SCEL: variants seen among roughly 807,000 people sequenced by gnomAD.
SCEL encodes sciellin.
Under a neutral mutation model 117.6 loss-of-function variants are expected in SCEL, and 113 were observed. That is an observed-to-expected ratio of 0.96 (90% confidence interval 0.83 to 1.12). SCEL has a LOEUF of 1.12. Ranked by LOEUF, SCEL falls within the 50% of genes most tolerant of loss-of-function variation. The pLI is 0.00. For missense variants in SCEL, 785 were observed against 810.8 expected (o/e 0.97, Z 0.39); for synonymous variants, 270 against 256.2 (o/e 1.05, Z -0.51).
intron 9 of SCEL, among the ~76,000 whole-genome samples, chr13:77,585,604 C>G (rs563361629): frequency 1.3e-5 from 2 of 152,178 alleles, no homozygotes; most frequent in African/African-American, 4.8e-5. Flanking sequence ...TATCCATCAC[C>G]CACGGCCTCA....
chr13:77,558,865 A>G (rs2084814497), intron 3 of SCEL, among the ~76,000 whole-genome samples: 1 of 148,594 alleles, frequency 6.7e-6, no homozygotes, highest in Admixed American at 6.7e-5. Flanking sequence ...AAGTAATGTT[A>G]GTAGAGCATA....
At chr13:77,605,205 A>C (rs150354989) in intron 19 of SCEL, among the ~76,000 whole-genome samples, 3 of 150,806 alleles carry the variant, frequency 2.0e-5, no homozygotes, top group African/African-American at 7.4e-5. Flanking sequence ...AGCTCAGTTC[A>C]TAATATTATT....
At chr13:77,551,285 T>A (rs1053490222) in intron 1 of SCEL, among the ~76,000 whole-genome samples, 1 of 152,122 alleles carries the variant, frequency 6.6e-6, no homozygotes, top group African/African-American at 2.4e-5. Context: ...AACCAGTGGA[T>A]CTTTATTCTA....
intron 11 of SCEL, 35 bp from the exon 12 acceptor site, chr13:77,593,479 A>C: frequency 2.6e-6 from 4 of 1,538,368 alleles, no homozygotes; most frequent in Non-Finnish European, 2.7e-6. Flanking sequence ...TAGCTCGACT[A>C]TCATTGACCT....
At chr13:77,639,763 T>C (rs1303293654) in intron 30 of SCEL, among the ~76,000 whole-genome samples, 1 of 152,162 alleles carries the variant, frequency 6.6e-6, no homozygotes. Context: ...TCATATATCA[T>C]ATAAAGGGCT....
Position 77,617,811 on chromosome 13 carries a change from A to G in SCEL, c.1520A>G (p.Asp507Gly). ...TATTTTTTGATTTAAAGAAACCAAGATCTTGCTAACCTCATCAAAGTAAAT... is the reference window on the plus strand; with the variant it reads ...TATTTTTTGATTTAAAGAAACCAAGGTCTTGCTAACCTCATCAAAGTAAAT... ...EIFTNNQRNQ[D>G]LANLIKVNPA... is the part of the protein sequence containing the mutation. The change falls in exon 26 of 33, where the codon GAT (aspartate) becomes GGT (glycine). Residue 507 changes from aspartate (D) to glycine (G), a missense_variant. By Grantham distance (94) the Asp-to-Gly change is moderately conservative. Transcript: ENST00000349847. 1 of 1,610,436 alleles carries G rather than the reference A, an allele frequency of 6.2e-7. No individual in the cohort carries two copies.
At chr13:77,572,634 GT>G (rs1256746526) in intron 9 of SCEL, among the ~76,000 whole-genome samples, 1 of 152,168 alleles carries the variant, frequency 6.6e-6, no homozygotes, top group African/African-American at 2.4e-5. Context: ...ACATTGCCCA[GT>G]TGGTACAAGC....
intron 28 of SCEL, among the ~76,000 whole-genome samples, chr13:77,630,711 CT>C (rs2089983566): frequency 6.6e-6 from 1 of 152,102 alleles, no homozygotes; most frequent in Admixed American, 6.5e-5. Context: ...GGAACATTTT[CT>C]CAAGTGTAAA....
chr13:77,548,538 A>G (rs1386371241), intron 1 of SCEL, among the ~76,000 whole-genome samples: 5 of 152,250 alleles, frequency 3.3e-5, no homozygotes, highest in African/African-American at 1.2e-4. Flanking sequence ...GGAAGTCTGT[A>G]TAAACATCAG....
intron 28 of SCEL, among the ~76,000 whole-genome samples, chr13:77,632,410 T>A (rs1455530179): frequency 6.6e-6 from 1 of 152,244 alleles, no homozygotes; most frequent in African/African-American, 2.4e-5. Context: ...CTTAGCTAGG[T>A]TTGTTATTCT....
chr13:77,617,200 G>T (rs6563012), intron 24 of SCEL, among the ~76,000 whole-genome samples: 142,034 of 152,158 alleles, frequency 0.93, 66,355 homozygotes, highest in South Asian at 0.96. Context: ...AGCTTTATAT[G>T]AAGAATAATC....
At chr13:77,631,776 T>A (rs372417521) in intron 28 of SCEL, among the ~76,000 whole-genome samples, 1 of 152,242 alleles carries the variant, frequency 6.6e-6, no homozygotes, top group East Asian at 1.9e-4. Context: ...CATGAAGGCA[T>A]TGTCATTAAT....
intron 9 of SCEL, among the ~76,000 whole-genome samples, chr13:77,575,965 C>G (rs1264481097): frequency 6.6e-6 from 1 of 152,200 alleles, no homozygotes; most frequent in Non-Finnish European, 1.5e-5. Flanking sequence ...TGTCTCTCCT[C>G]CTACCTCTGA....
intron 4 of SCEL, among the ~76,000 whole-genome samples, chr13:77,562,766 T>C (rs982784832): frequency 6.6e-5 from 10 of 152,216 alleles, no homozygotes; most frequent in African/African-American, 2.4e-4. Flanking sequence ...ACTACTAATA[T>C]AGCAAATATG....
rs1266105108 is a variant in SCEL at position 77,556,575 on chromosome 13, C to G, written c.44-21C>G. The G allele has an allele frequency of 5.0e-6, 8 of 1,595,812 alleles. No homozygotes were observed. The African/African-American group carries it at 6.7e-5, about 13-fold the overall frequency. On this transcript the variant is annotated intron_variant, in intron 2 of 32. Transcript: ENST00000349847. The stretch of plus-strand genomic sequence containing the variant: ...ACTCCACACTATTACATCTTCCAGT[C>G]TTTCATGTTTCTGTTGATAGAGATG...
intron 4 of SCEL, 99 bp from the exon 5 acceptor site, chr13:77,563,732 A>AAATAGG (rs1434348995): frequency 3.0e-5 from 25 of 830,960 alleles, no homozygotes; most frequent in Middle Eastern, 5.9e-4. Flanking sequence ...TTTCCTACTG[A>AAATAGG]AATAGGTCAA....
intron 15 of SCEL, among the ~76,000 whole-genome samples, chr13:77,601,359 G>T (rs2087672909): frequency 6.6e-6 from 1 of 152,080 alleles, no homozygotes; most frequent in South Asian, 2.1e-4. Flanking sequence ...AAAAGTCCTA[G>T]TTCTTTTTTC....
At chr13:77,612,969 T>A in intron 23 of SCEL, 28 bp downstream of exon 23, 1 of 1,342,084 alleles carries the variant, frequency 7.5e-7, no homozygotes, top group Non-Finnish European at 1.0e-6. Context: ...ATTGAAGACT[T>A]CTTAGCAAGT....
intron 5 of SCEL, 141 bp downstream of exon 5, chr13:77,564,040 A>G: frequency 1.7e-6 from 1 of 573,122 alleles, no homozygotes; most frequent in Non-Finnish European, 2.9e-6. Flanking sequence ...GGGCTCTAAG[A>G]ATTGAATTAT....
Sources: gnomAD v4.1 joint callset for allele counts (sites outside exome capture counted in the v4.1 genomes callset) on GRCh38, gnomAD v4.1.1 for gene constraint, MANE v1.5 for transcripts, NCBI Gene and HGNC (gene_info 2026-07-23, HGNC 2026-07-21) for gene names.